The following CSMD1 variants were observed in gnomAD, a reference collection of about 807,000 sequenced individuals.
CSMD1 encodes the protein CUB and Sushi multiple domains 1, also known as CUB and sushi domain-containing protein 1.
A neutral mutation model predicts 417.5 loss-of-function variants in CSMD1; 213 were observed. The observed-to-expected ratio is 0.51, with a 90% CI of 0.46 to 0.57. The LOEUF is 0.57. Ranked by LOEUF, CSMD1 falls within the 20% of genes least tolerant of loss-of-function variation. CSMD1 has a pLI of 0.00. For synonymous variants in CSMD1, 2,862 were observed against 1,736.8 expected, an observed-to-expected ratio of 1.65 and a Z score of -16.11; for missense variants, 6,923 against 4,529.7, an observed-to-expected ratio of 1.53 and a Z score of -15.17.
chr8:4,083,004 C>T (rs970681289), intron 3 of CSMD1, among the ~76,000 whole-genome samples: 1 of 151,942 alleles, frequency 6.6e-6, no homozygotes, highest in African/African-American at 2.4e-5. Flanking sequence ...TTTCTTAATC[C>T]AGTCTATCAT....
intron 7 of CSMD1, among the ~76,000 whole-genome samples, chr8:3,671,247 GAT>G (rs1233783815): frequency 2.9e-5 from 4 of 137,758 alleles, no homozygotes; most frequent in Admixed American, 7.6e-5. Flanking sequence ...ATATGTGTGG[GAT>G]ATATATATGT....
chr8:3,591,416 C>T (rs1289529948), intron 8 of CSMD1, among the ~76,000 whole-genome samples: 1 of 152,152 alleles, frequency 6.6e-6, no homozygotes, highest in Non-Finnish European at 1.5e-5. Context: ...AGTTGTAATA[C>T]AAGCAATTTC....
At chr8:3,901,414 T>A (rs559501675) in intron 5 of CSMD1, among the ~76,000 whole-genome samples, 1 of 152,228 alleles carries the variant, frequency 6.6e-6, no homozygotes, top group African/African-American at 2.4e-5. Flanking sequence ...TTCCCTGAAA[T>A]CCGTGCTGAT....
intron 26 of CSMD1, among the ~76,000 whole-genome samples, chr8:3,242,292 A>G (rs2116979166): frequency 6.7e-6 from 1 of 150,304 alleles, no homozygotes; most frequent in Non-Finnish European, 1.5e-5. Context: ...CGGCCTGGGG[A>G]GGAAGGGAGA....
At chr8:4,717,322 T>C (rs1808721357) in intron 1 of CSMD1, among the ~76,000 whole-genome samples, 2 of 147,464 alleles carry the variant, frequency 1.4e-5, no homozygotes, top group South Asian at 4.2e-4. Context: ...TATATATATA[T>C]ATATACACAC....
chr8:3,605,454 A>G (rs1166713293), intron 8 of CSMD1, among the ~76,000 whole-genome samples: 2 of 152,352 alleles, frequency 1.3e-5, no homozygotes, highest in Non-Finnish European at 2.9e-5. Flanking sequence ...CAATACTATA[A>G]TAACTATAAA....
intron 5 of CSMD1, among the ~76,000 whole-genome samples, chr8:3,843,573 C>G (rs970985986): frequency 1.3e-5 from 2 of 151,912 alleles, no homozygotes; most frequent in Non-Finnish European, 2.9e-5. Context: ...GCTTTTATGT[C>G]AATGCATCCA....
In CSMD1 at chr8:4,994,512, G is replaced by C; in HGVS notation, c.-96C>G. On this transcript the variant is annotated 5_prime_UTR_variant, in exon 1 of 70. Coordinates refer to ENST00000635120, the MANE Select transcript of CSMD1 (RefSeq NM_033225.6). ...AAATAATCACCCGAGGGCAAGGCGAGCCGGAGAGAGAGCCCGGTCCCAAGA... is the reference window on the plus strand; with the variant it reads ...AAATAATCACCCGAGGGCAAGGCGACCCGGAGAGAGAGCCCGGTCCCAAGA... 1 of 1,141,804 alleles carries C rather than the reference G, an allele frequency of 8.8e-7. No homozygotes were observed. The highest frequency in any genetic ancestry group is 1.3e-6 in the Non-Finnish European group (1 of 789,790). 70.7% of individuals were successfully genotyped at this position (1,141,804 alleles called of 1,614,324 possible). A position where few individuals can be genotyped will look rare whatever the true frequency, so the allele number is the denominator to read the frequency against.
At chr8:4,029,057 C>T (rs75592125) in intron 4 of CSMD1, among the ~76,000 whole-genome samples, 3,881 of 152,226 alleles carry the variant, frequency 0.025, 72 homozygotes, top group Middle Eastern at 0.037. Context: ...TCTGAGAAGA[C>T]TGACAGTGTT....
chr8:3,917,592 T>C lies in CSMD1; in HGVS notation c.818+80311A>G, dbSNP rs1331639617. 3.2e-5 allele frequency among the ~76,000 whole-genome samples: 4 copies of C among 125,882 alleles called. No homozygotes were observed. The South Asian group carries it at 9.4e-4, about 30-fold the overall frequency. 82.6% of individuals were successfully genotyped at this position (125,882 alleles called of 152,430 possible). A position where few individuals can be genotyped will look rare whatever the true frequency, so the allele number is the denominator to read the frequency against. On this transcript the variant is annotated intron_variant, in intron 5 of 69. Transcript: ENST00000635120. The stretch of plus-strand genomic sequence containing the variant: ...ATATTTGCAACTAGTTGACATAAAG[T>C]TCAGATTGGCTTCATATTTATATTT...
At chr8:4,388,171 A>T (rs1469656774) in intron 3 of CSMD1, among the ~76,000 whole-genome samples, 1 of 152,198 alleles carries the variant, frequency 6.6e-6, no homozygotes, top group Non-Finnish European at 1.5e-5. Flanking sequence ...ACTAATGGGC[A>T]TCTACCCAGA....
intron 3 of CSMD1, among the ~76,000 whole-genome samples, chr8:4,049,028 T>A (rs1468924197): frequency 6.6e-6 from 1 of 152,188 alleles, no homozygotes; most frequent in Non-Finnish European, 1.5e-5. Context: ...TTTTCAAGAC[T>A]CACCACCCAT....
At chr8:4,924,411 T>C (rs1806712366) in intron 1 of CSMD1, among the ~76,000 whole-genome samples, 1 of 152,186 alleles carries the variant, frequency 6.6e-6, no homozygotes, top group South Asian at 2.1e-4. Flanking sequence ...CAATAAAAGA[T>C]GTAATAGTAA....
At chr8:4,201,805 C>T (rs911057035) in intron 3 of CSMD1, among the ~76,000 whole-genome samples, 1 of 148,936 alleles carries the variant, frequency 6.7e-6, no homozygotes, top group Non-Finnish European at 1.5e-5. Flanking sequence ...TGCACGACTG[C>T]TGTTCAAATT....
chr8:4,547,030 T>C (rs1704703495), intron 2 of CSMD1, among the ~76,000 whole-genome samples: 1 of 152,108 alleles, frequency 6.6e-6, no homozygotes, highest in Admixed American at 6.6e-5. Flanking sequence ...GACATCTTCT[T>C]TGAGCTCCAA....
At chr8:3,704,004 G>C (rs1475327066) in intron 7 of CSMD1, among the ~76,000 whole-genome samples, 6 of 152,186 alleles carry the variant, frequency 3.9e-5, no homozygotes, top group African/African-American at 1.2e-4. Context: ...CCGGGAGGTA[G>C]AGGTTTCAGT....
intron 3 of CSMD1, among the ~76,000 whole-genome samples, chr8:4,070,500 G>T (rs1015878324): frequency 1.3e-5 from 2 of 152,110 alleles, no homozygotes; most frequent in East Asian, 3.9e-4. Flanking sequence ...TGGGACTACA[G>T]GCGCCCGCCA....
At chr8:4,346,998 A>T (rs1383527429) in intron 3 of CSMD1, among the ~76,000 whole-genome samples, 1 of 152,184 alleles carries the variant, frequency 6.6e-6, no homozygotes, top group Admixed American at 6.6e-5. Context: ...GCTGAGGACA[A>T]GGGCTCCAGG....
chr8:3,512,474 G>C (rs1327695480), intron 10 of CSMD1, among the ~76,000 whole-genome samples: 8 of 152,114 alleles, frequency 5.3e-5, no homozygotes, highest in African/African-American at 1.7e-4. Flanking sequence ...ACCTAAGGAT[G>C]CTGTAAGAGG....
Sources: gnomAD v4.1 joint callset for allele counts (sites outside exome capture counted in the v4.1 genomes callset) on GRCh38, gnomAD v4.1.1 for gene constraint, MANE v1.5 for transcripts, NCBI Gene and HGNC (gene_info 2026-07-23, HGNC 2026-07-21) for gene names.